TRIM14: variants seen among roughly 807,000 people sequenced by gnomAD.
TRIM14 encodes tripartite motif containing 14.
Under a neutral mutation model 44.5 loss-of-function variants are expected in TRIM14, and 28 were observed. The observed-to-expected ratio is 0.63, with a 90% CI of 0.47 to 0.86. The LOEUF (loss-of-function observed/expected upper bound fraction) is 0.86, where lower values mean the gene tolerates loss of function less well. Among genes scored for constraint, TRIM14 ranks in the 40% least tolerant of loss-of-function variants. TRIM14 has a pLI of 0.00. For synonymous variants in TRIM14, 299 were observed against 269.2 expected, an observed-to-expected ratio of 1.11 and a Z score of -1.08; for missense variants, 607 against 611.1, an observed-to-expected ratio of 0.99 and a Z score of 0.07.
At position 98,087,580 on chromosome 9, in the gene TRIM14, C is replaced by T. The variant is rs1289016872; in HGVS notation, c.1219G>A (p.Val407Met). The T allele has an allele frequency of 1.9e-6, 3 of 1,598,632 alleles. No individual in the cohort carries two copies. The highest frequency in any genetic ancestry group is 1.7e-6 in the Non-Finnish European group (2 of 1,175,356). ...TGCAGGTGGCTCATGCCGCCCGTCA[C>T]GTCGTAGAAGGCGAGGACGCCGGCC... ...YEAGVLAFYD[V>M]TGGMSHLHTF... The change falls in exon 6 of 6, where the codon GTG (valine) becomes ATG (methionine). Residue 407 changes from valine (V) to methionine (M), a missense_variant. Val to Met is a conservative substitution (Grantham distance 21). This residue lies in a region of TRIM14 where 356 missense variants were observed against 323.0 expected (regional missense o/e 1.10). Transcript: ENST00000341469.
At chr9:98,067,297 G>T (rs1298610573), downstream of TRIM14, among the ~76,000 whole-genome samples, 2 of 152,142 alleles carry the variant, frequency 1.3e-5, no homozygotes, top group Non-Finnish European at 2.9e-5. Context: ...GGGTCACCTG[G>T]TAACTCTATG....
At chr9:98,039,006 C>T in the TRIM14 span, among the ~76,000 whole-genome samples, 10 of 151,772 alleles carry the variant, frequency 6.6e-5, no homozygotes, top group East Asian at 1.6e-3. Context: ...GCCGAGGTCG[C>T]GCCACTGCAC....
intron 5 of TRIM14, 152 bp from the exon 6 acceptor site, chr9:98,088,157 C>A (rs927121510): frequency 1.4e-5 from 12 of 839,898 alleles, no homozygotes; most frequent in Non-Finnish European, 2.0e-5. Context: ...ACCGCGACTG[C>A]CCCTGGGGCG....
chr9:98,106,684 A>T (rs1826622742), intron 2 of TRIM14, among the ~76,000 whole-genome samples: 2 of 152,364 alleles, frequency 1.3e-5, no homozygotes, highest in South Asian at 4.1e-4. Context: ...AAGAAAACAG[A>T]GATCTAAATA....
At chr9:98,102,837 A>G (rs137898525) in intron 2 of TRIM14, among the ~76,000 whole-genome samples, 2,643 of 152,324 alleles carry the variant, frequency 0.017, 82 homozygotes, top group African/African-American at 0.061. Context: ...GGCAAATTTT[A>G]TGTTATGTAT....
chr9:98,059,516 GC>G, the TRIM14 span, among the ~76,000 whole-genome samples: 2 of 152,144 alleles, frequency 1.3e-5, no homozygotes, highest in African/African-American at 4.8e-5. Flanking sequence ...TGGGGATCAA[GC>G]GATCCTCCCC....
intron 5 of TRIM14, among the ~76,000 whole-genome samples, chr9:98,090,023 A>G (rs1268454915): frequency 4.6e-5 from 7 of 152,212 alleles, no homozygotes; most frequent in Non-Finnish European, 7.3e-5. Flanking sequence ...TTTGATTCAC[A>G]TATGTATGCA....
chr9:98,071,138 G>A (rs1829322945), intron 6 of TRIM14, among the ~76,000 whole-genome samples: 1 of 152,208 alleles, frequency 6.6e-6, no homozygotes, highest in Non-Finnish European at 1.5e-5. Flanking sequence ...AGAATTTGAA[G>A]ATGAAAACAT....
At chr9:98,074,521 C>G (rs1006254434) in intron 6 of TRIM14, 1 of 152,204 alleles carries the variant, frequency 6.6e-6, no homozygotes, top group Non-Finnish European at 1.5e-5. Context: ...TACTCAGATT[C>G]CCTTTGCCCG....
At chr9:98,114,518 T>C (rs974649961) in intron 1 of TRIM14, among the ~76,000 whole-genome samples, 3 of 152,130 alleles carry the variant, frequency 2.0e-5, no homozygotes, top group African/African-American at 7.2e-5. Flanking sequence ...GTATTTTTAG[T>C]AGAGACAGGG....
chr9:98,055,965 C>A, the TRIM14 span, among the ~76,000 whole-genome samples: 1 of 152,070 alleles, frequency 6.6e-6, no homozygotes, highest in Non-Finnish European at 1.5e-5. Context: ...GTCTCGAACT[C>A]CTGACCTCAG....
intron 3 of TRIM14, among the ~76,000 whole-genome samples, chr9:98,096,743 G>T (rs745881536): frequency 6.6e-6 from 1 of 151,970 alleles, no homozygotes; most frequent in Non-Finnish European, 1.5e-5. Flanking sequence ...CCCTGTCTTG[G>T]TCCAGGCCAC....
rs938952231 is a variant in TRIM14 at position 98,085,841 on chromosome 9, A to G, written c.*1629T>C. On this transcript the variant is annotated 3_prime_UTR_variant, in exon 6 of 6. Coordinates refer to ENST00000341469, the MANE Select transcript of TRIM14 (RefSeq NM_014788.4). The stretch of plus-strand genomic sequence containing the variant: ...TTATATGGTTCAAACTAATGCACTG[A>G]AAGTCTATTTAAACCACGAGGATTC... 1 of 152,190 alleles carries G rather than the reference A, an allele frequency of 6.6e-6. No homozygotes were observed. The highest frequency in any genetic ancestry group is 6.5e-5 in the Admixed American group (1 of 15,280). 9.4% of individuals were successfully genotyped at this position (152,190 alleles called of 1,614,324 possible).
the TRIM14 span, among the ~76,000 whole-genome samples, chr9:98,049,135 A>G: frequency 6.6e-6 from 1 of 151,500 alleles, no homozygotes; most frequent in Admixed American, 6.6e-5. Context: ...TGAGGTCAGG[A>G]GTTTGAGACC....
the TRIM14 span, among the ~76,000 whole-genome samples, chr9:98,062,338 C>T: frequency 7.9e-5 from 12 of 152,196 alleles, no homozygotes; most frequent in East Asian, 1.9e-4. Flanking sequence ...GGATGGTCAC[C>T]GGTGGTTTTT....
At chr9:98,040,977 C>T in the TRIM14 span, among the ~76,000 whole-genome samples, 1 of 151,760 alleles carries the variant, frequency 6.6e-6, no homozygotes, top group Non-Finnish European at 1.5e-5. Flanking sequence ...TTAGTACAGA[C>T]AGGGTTTAAT....
At chr9:98,049,202 C>T in the TRIM14 span, among the ~76,000 whole-genome samples, 6 of 151,598 alleles carry the variant, frequency 4.0e-5, no homozygotes, top group East Asian at 1.9e-4. Context: ...ATTAGCCAGG[C>T]GTGGTAGCGC....
chr9:98,076,782 C>A, intron 6 of TRIM14: 1 of 657,356 alleles, frequency 1.5e-6, no homozygotes, highest in Non-Finnish European at 2.6e-6. Flanking sequence ...CAAATCTTTG[C>A]CTGCTTTCAA....
chr9:98,052,251 C>T, the TRIM14 span, among the ~76,000 whole-genome samples: 1 of 151,800 alleles, frequency 6.6e-6, no homozygotes. Context: ...CCCAGGAGTC[C>T]CAGGCTGTTA....
Sources: allele counts gnomAD v4.1 joint callset (sites outside exome capture counted in the v4.1 genomes callset), GRCh38; gene constraint gnomAD v4.1.1; regional missense constraint gnomAD v4.1.1; transcripts MANE v1.5; gene names NCBI Gene and HGNC (gene_info 2026-07-23, HGNC 2026-07-21).